The following MYO1A variants were observed in gnomAD, a reference collection of about 807,000 sequenced individuals.
MYO1A encodes the protein unconventional myosin-Ia.
MYO1A carries 127 observed loss-of-function variants against 138.5 expected under a neutral mutation model. That is an observed-to-expected ratio of 0.92 (90% CI 0.79 to 1.06). The LOEUF (loss-of-function observed/expected upper bound fraction) is 1.06, where lower values mean the gene tolerates loss of function less well. Ranked by LOEUF, MYO1A falls within the 50% of genes least tolerant of loss-of-function variation. The pLI is 0.00. For synonymous variants in MYO1A, 477 were observed against 497.5 expected, an observed-to-expected ratio of 0.96 and a Z score of 0.55; for missense variants, 1,211 against 1,288.8, an observed-to-expected ratio of 0.94 and a Z score of 0.92.
Position 57,029,228 on chromosome 12 carries a change from A to G in MYO1A, c.2909T>C (p.Leu970Pro). Reference protein sequence around the residue: ...MSSVGSKGDFLLVSEHVIELL... With the variant: ...MSSVGSKGDFPLVSEHVIELL... ...TTCAATCACATGCTCGCTGACCAGCAGGAAGTCCCCCTTGGAGCCCACCGA... is the reference window on the plus strand; with the variant it reads ...TTCAATCACATGCTCGCTGACCAGCGGGAAGTCCCCCTTGGAGCCCACCGA... Residue 970 changes from leucine (L) to proline (P), a missense_variant, in exon 27 of 28, where the codon CTG becomes CCG. Physicochemically the swap from Leu to Pro is moderately conservative, Grantham distance 98. Transcript: ENST00000300119. 6.2e-7 allele frequency: 1 copy of G among 1,614,154 alleles called. No individual in the cohort carries two copies. Among genetic ancestry groups the G allele is most frequent in the Non-Finnish European group, 8.5e-7 (1 of 1,180,026 alleles).
Position 57,028,677 on chromosome 12 carries a change from C to T in MYO1A, c.*78G>A, listed in dbSNP as rs1453032478. The T allele has an allele frequency of 1.3e-6, 2 of 1,580,128 alleles. No homozygotes were observed. Among genetic ancestry groups the T allele is most frequent in the East Asian group, 2.2e-5 (1 of 44,676 alleles). ...GCCACGATCAGAGGGGTTAGAGATC[C>T]TCCCACACAGGAGGGCAGAGGGGGA... On this transcript the variant is annotated 3_prime_UTR_variant, in exon 28 of 28. Coordinates refer to ENST00000300119, the MANE Select transcript of MYO1A (RefSeq NM_005379.4).
Position 57,029,150 on chromosome 12 carries a change from G to A in MYO1A, c.2987C>T (p.Thr996Ile), listed in dbSNP as rs17119344. 0.085 allele frequency: 137,995 copies of A among 1,613,994 alleles called. 6,213 individuals are homozygous for A. The highest frequency in any genetic ancestry group is 0.14 in the East Asian group (6,465 of 44,866). The change falls in exon 27 of 28, where the codon ACA becomes ATA. Residue 996 changes from threonine to isoleucine, a missense_variant. Physicochemically the swap from Thr to Ile is moderately conservative, Grantham distance 89. Coordinates refer to ENST00000300119, the MANE Select transcript of MYO1A (RefSeq NM_005379.4). ...AVLDATQRQL[T>I]VTVTEKFSVR... The stretch of plus-strand genomic sequence containing the variant: ...GCCTCACTTCTCAGTCACGGTGACT[G>A]TAAGCTGCCTCTGCGTGGCATCCAG...
chr12:57,031,282 G>A lies in MYO1A; in HGVS notation c.2350-108C>T, dbSNP rs56017745. On this transcript the variant is annotated intron_variant, in intron 22 of 27. Coordinates refer to ENST00000300119, the MANE Select transcript of MYO1A (RefSeq NM_005379.4). Reference sequence around the variant, plus strand: ...TCAAAGGAGGAAGTTAACCCACAGTGAGAAGCAAGGGGTGGAGCTGAAGAG... The same window carrying A: ...TCAAAGGAGGAAGTTAACCCACAGTAAGAAGCAAGGGGTGGAGCTGAAGAG... The A allele has an allele frequency of 1.3e-3, 1,706 of 1,355,012 alleles. 3 individuals are homozygous for A. The highest frequency in any genetic ancestry group is 1.7e-3 in the Non-Finnish European group (1,591 of 952,282). 83.9% of individuals were successfully genotyped at this position (1,355,012 alleles called of 1,614,324 possible).
intron 20 of MYO1A, 47 bp downstream of exon 20, chr12:57,036,895 T>A: frequency 6.2e-7 from 1 of 1,614,184 alleles, no homozygotes; most frequent in Non-Finnish European, 8.5e-7. Context: ...CCACCTTCCA[T>A]CTTCCCTATT....
chr12:57,048,957 A>T (rs898609772), intron 1 of MYO1A, among the ~76,000 whole-genome samples: 1 of 152,264 alleles, frequency 6.6e-6, no homozygotes, highest in African/African-American at 2.4e-5. Flanking sequence ...GGATAGAGGC[A>T]GGATTCCTCC....
intron 15 of MYO1A, 46 bp downstream of exon 15, chr12:57,039,162 TCAGG>T: frequency 1.3e-6 from 2 of 1,588,234 alleles, no homozygotes; most frequent in Non-Finnish European, 1.7e-6. Context: ...GGAAGGATGT[TCAGG>T]CAGTCTGGAA....
intron 1 of MYO1A, among the ~76,000 whole-genome samples, chr12:57,048,848 T>C (rs1378994038): frequency 6.6e-6 from 1 of 152,166 alleles, no homozygotes; most frequent in African/African-American, 2.4e-5. Context: ...AACCTACCCA[T>C]AACCATTTCA....
chr12:57,047,890 C>G (rs2031182752), intron 3 of MYO1A, 99 bp downstream of exon 3: 29 of 1,560,454 alleles, frequency 1.9e-5, no homozygotes, highest in Non-Finnish European at 2.4e-5. Context: ...GAAGGGGCAG[C>G]TGGAGAAGCC....
At position 57,041,307 on chromosome 12, in the gene MYO1A, G is replaced by T. The variant is rs1385140688; in HGVS notation, c.1165-19C>A. 2 of 1,607,256 alleles carry T rather than the reference G, an allele frequency of 1.2e-6. No homozygotes were observed. Among genetic ancestry groups the T allele is most frequent in the Non-Finnish European group, 1.7e-6 (2 of 1,173,796 alleles). ...TATTATCCTGAGAGAGGGAGCACAG[G>T]TTAGAGAGCTCACTCCAAGACTGTT... On this transcript the variant is annotated intron_variant, in intron 13 of 27. Transcript: ENST00000300119.
intron 27 of MYO1A, 73 bp downstream of exon 27, chr12:57,029,059 G>T (rs998607439): frequency 1.6e-5 from 26 of 1,612,866 alleles, no homozygotes; most frequent in African/African-American, 2.7e-5. Context: ...TTCGCTTTCT[G>T]ATCCTGGTCA....
Position 57,037,064 on chromosome 12 carries a change from G to A in MYO1A, c.2083C>T (p.Leu695=), listed in dbSNP as rs1299171477. The change falls in exon 20 of 28, where the codon CTG becomes TTG. Residue 695 remains leucine (L), a synonymous_variant. Coordinates refer to ENST00000300119, the MANE Select transcript of MYO1A (RefSeq NM_005379.4). ...TLFYLEEQRR[L]RLQQLATLIQ... ...AGTGTGGCCAGCTGCTGGAGTCTCAGGCGCCTCTGTTCTTCGAGGTAGAAA... is the reference window on the plus strand; with the variant it reads ...AGTGTGGCCAGCTGCTGGAGTCTCAAGCGCCTCTGTTCTTCGAGGTAGAAA... The A allele has an allele frequency of 6.2e-7, 1 of 1,614,182 alleles. No homozygotes were observed. Among genetic ancestry groups the A allele is most frequent in the Non-Finnish European group, 8.5e-7 (1 of 1,180,042 alleles).
At position 57,031,154 on chromosome 12, in the gene MYO1A, C is replaced by T; in HGVS notation, c.2370G>A (p.Gly790=). ...YKSMVQKFLL[G]LKNNLPSTNV... ...TTGTGGATGGCAAATTGTTCTTCAG[C>T]CCCAGTAGGAATTTCTGTACCTAGT... is the stretch of plus-strand genomic sequence containing the variant. Residue 790 remains glycine, a synonymous_variant, in exon 23 of 28, where the codon GGG becomes GGA. Coordinates refer to ENST00000300119, the MANE Select transcript of MYO1A (RefSeq NM_005379.4). 1 of 1,614,118 alleles carries T rather than the reference C, an allele frequency of 6.2e-7. No individual in the cohort carries two copies. The highest frequency in any genetic ancestry group is 8.5e-7 in the Non-Finnish European group (1 of 1,180,014).
rs762525104 is a variant in MYO1A, at chr12:57,037,041, T to A, written c.2106A>T (p.Thr702=). ...AGCCTCGGTAAATCTTCTGTATGAG[T>A]GTGGCCAGCTGCTGGAGTCTCAGGC... ...QRRLRLQQLA[T]LIQKIYRGWR... The change falls in exon 20 of 28, where the codon ACA becomes ACT. Residue 702 remains threonine (T), a synonymous_variant. Coordinates refer to ENST00000300119, the MANE Select transcript of MYO1A (RefSeq NM_005379.4). 1 of 1,614,050 alleles carries A rather than the reference T, an allele frequency of 6.2e-7. No individual in the cohort carries two copies. The highest frequency in any genetic ancestry group is 1.1e-5 in the South Asian group (1 of 91,076).
intron 24 of MYO1A, 153 bp from the exon 25 acceptor site, chr12:57,030,025 C>A (rs1202021520): frequency 7.3e-7 from 1 of 1,374,326 alleles, no homozygotes; most frequent in South Asian, 1.2e-5. Flanking sequence ...AAGACATCAG[C>A]ACCACCTGGG....
In MYO1A at chr12:57,048,047, C is replaced by T. The variant is rs772838867; in HGVS notation, c.172G>A (p.Gly58Arg). 81 of 1,614,064 alleles carry T rather than the reference C, an allele frequency of 5.0e-5. 3 individuals are homozygous for T. The South Asian group carries it at 8.1e-4, about 16-fold the overall frequency. The part of the protein sequence containing the change: ...VNPYQQLPIY[G>R]PEFIAKYQDY... ...TGATATTTGGCAATGAACTCTGGCC[C>T]ATAGATGGGAAGCTGTTGATAGGGA... Residue 58 changes from glycine (G) to arginine (R), a missense_variant, in exon 3 of 28, where the codon GGG (glycine) becomes AGG (arginine). By Grantham distance (125) the Gly-to-Arg change is moderately radical. Coordinates refer to ENST00000300119, the MANE Select transcript of MYO1A (RefSeq NM_005379.4).
Position 57,037,056 on chromosome 12 carries a change from G to A in MYO1A, c.2091C>T (p.Leu697=). 1 of 1,614,156 alleles carries A rather than the reference G, an allele frequency of 6.2e-7. No individual in the cohort carries two copies. Among genetic ancestry groups the A allele is most frequent in the Non-Finnish European group, 8.5e-7 (1 of 1,180,026 alleles). The part of the protein sequence containing the change: ...FYLEEQRRLR[L]QQLATLIQKI... ...TCTGTATGAGTGTGGCCAGCTGCTG[G>A]AGTCTCAGGCGCCTCTGTTCTTCGA... Residue 697 remains leucine (L), a synonymous_variant, in exon 20 of 28, where the codon CTC becomes CTT. Coordinates refer to ENST00000300119, the MANE Select transcript of MYO1A (RefSeq NM_005379.4).
At position 57,037,606 on chromosome 12, in the gene MYO1A, A is replaced by T. The variant is rs1183532994; in HGVS notation, c.1997T>A (p.Met666Lys). ...GCCAAAGGCCAGCTCCCCCGAGGAC[A>T]TGCTCAGCTCCCCCAGGACCTTCTC... is the stretch of plus-strand genomic sequence containing the variant. The part of the protein sequence containing the change: ...GVEKVLGELS[M>K]SSGELAFGKT... Residue 666 changes from methionine to lysine, a missense_variant, in exon 19 of 28, where the codon ATG becomes AAG. Met to Lys is a moderately conservative substitution (Grantham distance 95). Coordinates refer to ENST00000300119, the MANE Select transcript of MYO1A (RefSeq NM_005379.4). 1 of 1,614,046 alleles carries T rather than the reference A, an allele frequency of 6.2e-7. No individual in the cohort carries two copies. The highest frequency in any genetic ancestry group is 8.5e-7 in the Non-Finnish European group (1 of 1,180,036).
At chr12:57,028,911 T>G (rs1355531716) in intron 27 of MYO1A, 30 bp from the exon 28 acceptor site, 7 of 1,612,572 alleles carry the variant, frequency 4.3e-6, no homozygotes, top group Middle Eastern at 1.7e-4. Context: ...CCAAGTCTAG[T>G]GCCCATCCCC....
At chr12:57,044,070 C>G (rs1468023050) in intron 9 of MYO1A, 36 bp downstream of exon 9, 1 of 1,614,148 alleles carries the variant, frequency 6.2e-7, no homozygotes, top group Non-Finnish European at 8.5e-7. Flanking sequence ...AGAGGATGAC[C>G]TAAGGGCCCA....
Sources: gnomAD v4.1 joint callset for allele counts (sites outside exome capture counted in the v4.1 genomes callset) on GRCh38, gnomAD v4.1.1 for gene constraint, MANE v1.5 for transcripts, NCBI Gene and HGNC (gene_info 2026-07-23, HGNC 2026-07-21) for gene names.